The following PHF20 variants were observed in gnomAD, a reference collection of about 807,000 sequenced individuals.
The protein encoded by PHF20 is PHD finger protein 20, also known as glioma-expressed antigen 2.
A neutral mutation model predicts 113.5 loss-of-function variants in PHF20; 23 were observed. The observed-to-expected ratio is 0.20, with a 90% CI of 0.15 to 0.29. The LOEUF is 0.29. PHF20 is among the 10% of genes least tolerant of loss of function. PHF20 has a pLI of 1.00. For synonymous variants in PHF20, 434 were observed against 457.3 expected (o/e 0.95, Z 0.65); for missense variants, 943 against 1,219.6 (o/e 0.77, Z 3.38).
chr20:35,825,647 G>T (rs1275226515), intron 2 of PHF20, among the ~76,000 whole-genome samples: 1 of 152,116 alleles, frequency 6.6e-6, no homozygotes, highest in African/African-American at 2.4e-5. Context: ...TCTATAATTA[G>T]GTTAATTATT....
chr20:35,797,717 T>C (rs542954824), intron 1 of PHF20, among the ~76,000 whole-genome samples: 1 of 150,338 alleles, frequency 6.7e-6, no homozygotes, highest in African/African-American at 2.4e-5. Context: ...AGTGGCACGA[T>C]GTCAACTCAC....
intron 2 of PHF20, among the ~76,000 whole-genome samples, chr20:35,833,137 T>C (rs566542150): frequency 6.7e-6 from 1 of 149,528 alleles, no homozygotes; most frequent in South Asian, 2.1e-4. Flanking sequence ...ACTCAGAAAA[T>C]GTTTGTGGAA....
chr20:35,801,455 G>A, intron 1 of PHF20, 36 bp from the exon 2 acceptor site: 2 of 1,106,556 alleles, frequency 1.8e-6, no homozygotes, highest in East Asian at 4.8e-5. Flanking sequence ...GGTGGACTTT[G>A]CCTAAGTTTC....
intron 2 of PHF20, among the ~76,000 whole-genome samples, chr20:35,806,864 T>C (rs934840257): frequency 1.3e-5 from 2 of 150,956 alleles, no homozygotes; most frequent in East Asian, 1.9e-4. Context: ...GGCACGATCT[T>C]GGCTCATTGC....
intron 2 of PHF20, among the ~76,000 whole-genome samples, chr20:35,826,917 G>T (rs1255177896): frequency 6.6e-6 from 1 of 152,168 alleles, no homozygotes; most frequent in East Asian, 1.9e-4. Context: ...AATGGAAGTG[G>T]TGAAGGGGTA....
In PHF20 at chr20:35,925,139, T is replaced by G. The variant is rs557726489; in HGVS notation, c.2005-2641T>G. ...TTTAATTATTGTACCTTTATAATAT[T>G]TTTAAAATATCTGGTATGGCTAGTG... On this transcript the variant is annotated intron_variant, in intron 13 of 17. Transcript: ENST00000374012. 3.3e-5 allele frequency among the ~76,000 whole-genome samples: 5 copies of G among 152,284 alleles called. No individual in the cohort carries two copies. In the South Asian group the frequency reaches 1.0e-3, roughly 32 times the overall value.
chr20:35,780,319 G>A (rs1271138577), intron 1 of PHF20, among the ~76,000 whole-genome samples: 1 of 146,424 alleles, frequency 6.8e-6, no homozygotes, highest in Non-Finnish European at 1.5e-5. Flanking sequence ...TCCGCCTCCC[G>A]GGTTTACGCC....
chr20:35,822,928 A>G (rs942346054), intron 2 of PHF20, among the ~76,000 whole-genome samples: 2 of 151,534 alleles, frequency 1.3e-5, no homozygotes, highest in African/African-American at 4.9e-5. Flanking sequence ...CCCCACTTTC[A>G]ACATCCTGCA....
At chr20:35,875,462 G>A (rs375345257) in intron 9 of PHF20, among the ~76,000 whole-genome samples, 1 of 152,056 alleles carries the variant, frequency 6.6e-6, no homozygotes, top group Admixed American at 6.6e-5. Context: ...CTCGGCGGCT[G>A]TTCTCTTAGT....
intron 9 of PHF20, among the ~76,000 whole-genome samples, chr20:35,880,469 G>C (rs1253886071): frequency 1.3e-5 from 2 of 152,022 alleles, no homozygotes; most frequent in Non-Finnish European, 2.9e-5. Flanking sequence ...AGCCTGTGTT[G>C]GCAGGATTGC....
At chr20:35,840,834 A>G (rs892437632) in intron 2 of PHF20, among the ~76,000 whole-genome samples, 1 of 152,024 alleles carries the variant, frequency 6.6e-6, no homozygotes, top group African/African-American at 2.4e-5. Context: ...GACCTTGGCC[A>G]CCAATTGTAA....
At chr20:35,804,534 C>T (rs555104713) in intron 2 of PHF20, among the ~76,000 whole-genome samples, 1 of 152,130 alleles carries the variant, frequency 6.6e-6, no homozygotes, top group East Asian at 1.9e-4. Context: ...CCGCGCCCAG[C>T]CTAATTTATG....
intron 2 of PHF20, among the ~76,000 whole-genome samples, chr20:35,816,214 C>T (rs749970939): frequency 6.6e-6 from 1 of 152,126 alleles, no homozygotes; most frequent in Non-Finnish European, 1.5e-5. Context: ...CTCAGCCTCC[C>T]AAAGTTCTGG....
chr20:35,927,645 G>T, intron 13 of PHF20, 135 bp from the exon 14 acceptor site: 1 of 694,974 alleles, frequency 1.4e-6, no homozygotes. Flanking sequence ...TCAGTTCCAC[G>T]TTAGTCAGGA....
At position 35,944,405 on chromosome 20, in the gene PHF20, G is replaced by A. The variant is rs181131393; in HGVS notation, c.2897-3080G>A. ...ATGCCTCCTGGGCCACCGTAGTATC[G>A]GGATGTCTTTGGTGAGCCTGGAACT... On this transcript the variant is annotated intron_variant, in intron 17 of 17. Transcript: ENST00000374012. Among the ~76,000 whole-genome samples the A allele has an allele frequency of 5.9e-5, 9 of 152,196 alleles. No homozygotes were observed. The East Asian group carries it at 9.7e-4, about 16-fold the overall frequency.
intron 13 of PHF20, among the ~76,000 whole-genome samples, chr20:35,918,346 T>C (rs2055445992): frequency 6.6e-6 from 1 of 152,056 alleles, no homozygotes; most frequent in Admixed American, 6.5e-5. Context: ...ATGGTTATAT[T>C]GGTTAGGATT....
chr20:35,846,717 G>A (rs1473108566), intron 3 of PHF20, among the ~76,000 whole-genome samples: 2 of 152,090 alleles, frequency 1.3e-5, no homozygotes, highest in South Asian at 2.1e-4. Flanking sequence ...GCTGTTCTGT[G>A]CCTGCCCAGA....
At chr20:35,817,851 T>C (rs1297863390) in intron 2 of PHF20, among the ~76,000 whole-genome samples, 1 of 151,984 alleles carries the variant, frequency 6.6e-6, no homozygotes, top group Non-Finnish European at 1.5e-5. Context: ...CTTATGCCTG[T>C]GATCCTAGCA....
Position 35,917,536 on chromosome 20 carries a change from T to C in PHF20, c.1878T>C (p.Asp626=). ...CTGAGAGCTTTCTCTGGAGTGATGA[T>C]GAGTATGGCCAAGATGTGGATGTGA... is the stretch of plus-strand genomic sequence containing the variant. ...SSSESFLWSD[D]EYGQDVDVTT... The change falls in exon 13 of 18, where the codon GAT becomes GAC. Residue 626 remains aspartate, a synonymous_variant. Coordinates refer to ENST00000374012, the MANE Select transcript of PHF20 (RefSeq NM_016436.5). 2 of 1,614,060 alleles carry C rather than the reference T, an allele frequency of 1.2e-6. No homozygotes were observed. The highest frequency in any genetic ancestry group is 1.7e-6 in the Non-Finnish European group (2 of 1,179,954).
Sources: gnomAD v4.1 joint callset for allele counts (sites outside exome capture counted in the v4.1 genomes callset) on GRCh38, gnomAD v4.1.1 for gene constraint, MANE v1.5 for transcripts, NCBI Gene and HGNC (gene_info 2026-07-23, HGNC 2026-07-21) for gene names.